Variants in MTUS1 observed in about 807,000 individuals in gnomAD.
MTUS1 encodes the protein microtubule-associated tumor suppressor 1.
In MTUS1, 109 loss-of-function variants were observed where a neutral mutation model predicts 120.8. The observed-to-expected ratio is 0.90, with a 90% CI of 0.77 to 1.06. The LOEUF is 1.06. MTUS1 is among the 50% of genes least tolerant of loss of function. The pLI is 0.00. For missense variants in MTUS1, 2,210 were observed against 1,486.3 expected (o/e 1.49, Z -8.01); for synonymous variants, 737 against 550.5 (o/e 1.34, Z -4.74).
At chr8:17,675,521 C>T (rs1812920217) in intron 7 of MTUS1, among the ~76,000 whole-genome samples, 1 of 152,196 alleles carries the variant, frequency 6.6e-6, no homozygotes, top group African/African-American at 2.4e-5. Context: ...TACTTTGAGC[C>T]AGTGCTTCAC....
intron 3 of MTUS1, among the ~76,000 whole-genome samples, chr8:17,740,562 G>A (rs1343355322): frequency 2.6e-5 from 4 of 152,146 alleles, no homozygotes; most frequent in Non-Finnish European, 4.4e-5. Flanking sequence ...ACTCTGTGGC[G>A]ATTAAGAAAC....
chr8:17,675,110 C>T (rs2269699), intron 8 of MTUS1, 76 bp downstream of exon 8: 1,076,613 of 1,600,430 alleles, frequency 0.67, 365,774 homozygotes, highest in East Asian at 0.8. Context: ...CCAGCCACAA[C>T]GCAGACAGGA....
intron 1 of MTUS1, among the ~76,000 whole-genome samples, chr8:17,792,148 G>C (rs2051842267): frequency 6.6e-6 from 1 of 152,054 alleles, no homozygotes; most frequent in Non-Finnish European, 1.5e-5. Context: ...TATGTCCCCA[G>C]GGTTTCATAA....
intron 1 of MTUS1, chr8:17,770,562 G>A (rs968186407): frequency 6.6e-6 from 1 of 152,188 alleles, no homozygotes; most frequent in Non-Finnish European, 1.5e-5. Context: ...ATGGAGCAAT[G>A]CAGAAACTGC....
chr8:17,704,673 G>C (rs1434726028), intron 6 of MTUS1, among the ~76,000 whole-genome samples: 1 of 152,160 alleles, frequency 6.6e-6, no homozygotes, highest in Non-Finnish European at 1.5e-5. Context: ...ACTGTGTGTT[G>C]TAATATACTT....
At chr8:17,676,651 G>C (rs1813187494) in intron 7 of MTUS1, among the ~76,000 whole-genome samples, 1 of 152,096 alleles carries the variant, frequency 6.6e-6, no homozygotes, top group Non-Finnish European at 1.5e-5. Flanking sequence ...CTGCAACGGA[G>C]GAAAGAAAAA....
At chr8:17,687,455 T>A (rs968660627) in intron 6 of MTUS1, among the ~76,000 whole-genome samples, 5 of 152,194 alleles carry the variant, frequency 3.3e-5, no homozygotes, top group African/African-American at 1.2e-4. Flanking sequence ...GAAATTAGCA[T>A]ATTATCAGCC....
chr8:17,725,047 C>T (rs2046123866), intron 3 of MTUS1, among the ~76,000 whole-genome samples: 1 of 152,112 alleles, frequency 6.6e-6, no homozygotes, highest in Non-Finnish European at 1.5e-5. Flanking sequence ...TAAACCACCC[C>T]ACCCAGCCAT....
At chr8:17,708,009 T>A (rs187235607) in intron 6 of MTUS1, among the ~76,000 whole-genome samples, 1 of 152,100 alleles carries the variant, frequency 6.6e-6, no homozygotes. Flanking sequence ...AAAACTTAAA[T>A]GAAAACACAG....
intron 1 of MTUS1, among the ~76,000 whole-genome samples, chr8:17,768,995 C>A (rs2049794978): frequency 6.6e-6 from 1 of 151,992 alleles, no homozygotes; most frequent in Non-Finnish European, 1.5e-5. Context: ...CTTACTCAGT[C>A]AATAGCACAG....
At chr8:17,707,138 T>A (rs952726498) in intron 6 of MTUS1, among the ~76,000 whole-genome samples, 4 of 152,184 alleles carry the variant, frequency 2.6e-5, no homozygotes, top group African/African-American at 9.7e-5. Flanking sequence ...TCAGCTAAAA[T>A]ATGACTCATT....
intron 2 of MTUS1, among the ~76,000 whole-genome samples, chr8:17,752,785 C>T (rs1165567061): frequency 6.6e-6 from 1 of 152,038 alleles, no homozygotes; most frequent in East Asian, 1.9e-4. Context: ...CCTTCCTGGC[C>T]CAGAGGACAG....
Position 17,654,544 on chromosome 8 carries a change from A to G in MTUS1, c.3214+17T>C. Reference sequence around the variant, plus strand: ...TCAGATTTTATTCTGTTTAAAGAGGAAAAAAAGCATCCTTGCCTGAAAGGG... The same window carrying G: ...TCAGATTTTATTCTGTTTAAAGAGGGAAAAAAGCATCCTTGCCTGAAAGGG... On this transcript the variant is annotated intron_variant, in intron 10 of 14. Coordinates refer to ENST00000693296, the MANE Select transcript of MTUS1 (RefSeq NM_001363059.2). The G allele has an allele frequency of 2.7e-6, 4 of 1,500,726 alleles. No homozygotes were observed. The highest frequency in any genetic ancestry group is 1.1e-5 in the South Asian group (1 of 88,628). 93.0% of individuals were successfully genotyped at this position (1,500,726 alleles called of 1,614,324 possible). A position where few individuals can be genotyped will look rare whatever the true frequency, so the allele number is the denominator to read the frequency against.
intron 1 of MTUS1, among the ~76,000 whole-genome samples, chr8:17,785,951 G>A (rs890011713): frequency 4.6e-5 from 7 of 152,080 alleles, no homozygotes; most frequent in Admixed American, 2.6e-4. Context: ...AGACCAGCCC[G>A]GGCGACACAG....
upstream of MTUS1, among the ~76,000 whole-genome samples, chr8:17,801,171 G>C (rs1185410848): frequency 1.3e-5 from 2 of 151,350 alleles, no homozygotes; most frequent in Non-Finnish European, 3.0e-5. Context: ...TCTCGGGGGC[G>C]GCGTCTGCAC....
intron 1 of MTUS1, among the ~76,000 whole-genome samples, chr8:17,769,105 C>A (rs1009371556): frequency 2.6e-5 from 4 of 151,940 alleles, no homozygotes; most frequent in African/African-American, 9.7e-5. Flanking sequence ...AAAGACAGCA[C>A]CCCGAAGGAG....
intron 6 of MTUS1, among the ~76,000 whole-genome samples, chr8:17,686,722 T>C (rs1585690554): frequency 6.6e-6 from 1 of 152,218 alleles, no homozygotes; most frequent in South Asian, 2.1e-4. Flanking sequence ...GGAGAAAATA[T>C]TCTTCAAGAT....
rs2048043070 is a variant in MTUS1, at chr8:17,749,720, G to A, written c.2091+3997C>T. ...AAATCTTTAAATCTGCCTGTGACCT[G>A]GAAGCTGCCTCCACTTCCAGTTGTC... On this transcript the variant is annotated intron_variant, in intron 2 of 14. Transcript: ENST00000693296. Among the ~76,000 whole-genome samples, 3 of 151,644 alleles carry A rather than the reference G, an allele frequency of 2.0e-5. No homozygotes were observed. In the South Asian group the frequency reaches 6.3e-4, roughly 32 times the overall value.
intron 6 of MTUS1, chr8:17,691,852 G>A (rs1817004864): frequency 2.6e-5 from 4 of 151,924 alleles, no homozygotes; most frequent in Admixed American, 2.6e-4. Flanking sequence ...ATCCATAAAT[G>A]CGCTAATAAC....
Sources: allele counts gnomAD v4.1 joint callset (sites outside exome capture counted in the v4.1 genomes callset), GRCh38; gene constraint gnomAD v4.1.1; transcripts MANE v1.5; gene names NCBI Gene and HGNC (gene_info 2026-07-23, HGNC 2026-07-21).